The following LUC7L2 variants were observed in gnomAD, a reference collection of about 807,000 sequenced individuals.
The protein encoded by LUC7L2 is LUC7 like 2, pre-mRNA splicing factor, also known as putative RNA-binding protein Luc7-like 2.
A neutral mutation model predicts 52.8 loss-of-function variants in LUC7L2; 25 were observed. The observed-to-expected ratio is 0.47, with a 90% CI of 0.34 to 0.66. LUC7L2 has a LOEUF of 0.66. Among genes scored for constraint, LUC7L2 ranks in the 30% least tolerant of loss-of-function variants. The pLI is 0.01. For synonymous variants in LUC7L2, 144 were observed against 160.9 expected, an observed-to-expected ratio of 0.89 and a Z score of 0.80; for missense variants, 328 against 497.8, an observed-to-expected ratio of 0.66 and a Z score of 3.25.
upstream of LUC7L2, among the ~76,000 whole-genome samples, chr7:139,356,014 A>G (rs1397162322): frequency 6.6e-6 from 1 of 152,212 alleles, no homozygotes; most frequent in African/African-American, 2.4e-5. Flanking sequence ...TATGTGCCCA[A>G]AGAAAATAAC....
chr7:139,353,722 G>A (rs1257507259), intron 1 of LUC7L2, among the ~76,000 whole-genome samples: 1 of 152,052 alleles, frequency 6.6e-6, no homozygotes, highest in African/African-American at 2.4e-5. Flanking sequence ...GAATCCGGGA[G>A]GTGGAGGTTG....
At chr7:139,356,438 C>G (rs1046649092), upstream of LUC7L2, among the ~76,000 whole-genome samples, 4 of 151,464 alleles carry the variant, frequency 2.6e-5, no homozygotes, top group African/African-American at 9.7e-5. Flanking sequence ...GGGAGCGTTC[C>G]CCCAACTAGC....
At chr7:139,359,469 C>G, upstream of LUC7L2, 1 of 190,268 alleles carries the variant, frequency 5.3e-6, no homozygotes, top group Non-Finnish European at 1.1e-5. Flanking sequence ...AGGACGCGTC[C>G]ACGCCACTCG....
chr7:139,408,737 G>A (rs1356901869), intron 6 of LUC7L2, among the ~76,000 whole-genome samples: 1 of 151,872 alleles, frequency 6.6e-6, no homozygotes, highest in African/African-American at 2.4e-5. Flanking sequence ...AGCTACTCTG[G>A]AGACTGAGGC....
intron 9 of LUC7L2, among the ~76,000 whole-genome samples, chr7:139,421,851 T>C (rs989990779): frequency 6.6e-6 from 1 of 152,268 alleles, no homozygotes; most frequent in African/African-American, 2.4e-5. Context: ...CTGTTATCTA[T>C]GTATTATTTT....
At chr7:139,374,460 A>G (rs1585087600) in intron 1 of LUC7L2, 1 of 1,550,936 alleles carries the variant, frequency 6.4e-7, no homozygotes, top group Non-Finnish European at 8.7e-7. Flanking sequence ...AAGGCCCCGC[A>G]TTCGCCAAGC....
intron 1 of LUC7L2, among the ~76,000 whole-genome samples, chr7:139,347,685 G>GTA (rs1177819141): frequency 2.5e-5 from 3 of 118,522 alleles, no homozygotes; most frequent in Non-Finnish European, 4.7e-5. Context: ...TCGACTGAAT[G>GTA]TATAAAAAAA....
At chr7:139,387,067 T>C (rs1215218193) in intron 2 of LUC7L2, among the ~76,000 whole-genome samples, 1 of 151,246 alleles carries the variant, frequency 6.6e-6, no homozygotes, top group East Asian at 2.0e-4. Flanking sequence ...TTTGAACTCC[T>C]GGCCTCAGGT....
chr7:139,418,956 C>A (rs1195461457), intron 9 of LUC7L2, among the ~76,000 whole-genome samples: 3 of 151,904 alleles, frequency 2.0e-5, no homozygotes, highest in African/African-American at 7.3e-5. Context: ...TACTAAAATA[C>A]AAACATTAGC....
intron 6 of LUC7L2, among the ~76,000 whole-genome samples, chr7:139,408,812 A>G (rs1217527841): frequency 6.7e-6 from 1 of 149,558 alleles, no homozygotes; most frequent in Non-Finnish European, 1.5e-5. Context: ...ACTGCACTCC[A>G]ACCTGGGCGA....
chr7:139,380,141 T>C (rs947649607), intron 2 of LUC7L2, among the ~76,000 whole-genome samples: 1 of 151,934 alleles, frequency 6.6e-6, no homozygotes, highest in African/African-American at 2.4e-5. Flanking sequence ...ATCACACCAC[T>C]GCACTCCAGT....
In LUC7L2 at chr7:139,423,340, C is replaced by CAA. The variant is rs1434648400; in HGVS notation, c.*1000_*1001insAA. Reference sequence around the variant, plus strand: ...GGGCCCCTTGCTGACTATATTCCAGCCACTTCAGGGTTGTTTGTAATGACC... The same window carrying CAA: ...GGGCCCCTTGCTGACTATATTCCAGCAACACTTCAGGGTTGTTTGTAATGACC... On this transcript the variant is annotated 3_prime_UTR_variant, in exon 10 of 10. Coordinates refer to ENST00000354926, the MANE Select transcript of LUC7L2 (RefSeq NM_016019.5). 5.0e-6 allele frequency: 2 copies of CAA among 398,842 alleles called. No individual in the cohort carries two copies. Among genetic ancestry groups the CAA allele is most frequent in the Middle Eastern group, 6.2e-4 (1 of 1,608 alleles). 24.7% of individuals were successfully genotyped at this position (398,842 alleles called of 1,614,324 possible).
intron 1 of LUC7L2, among the ~76,000 whole-genome samples, chr7:139,369,402 C>G (rs563686654): frequency 1.3e-5 from 2 of 152,214 alleles, no homozygotes; most frequent in African/African-American, 4.8e-5. Flanking sequence ...GAGGAATAGG[C>G]TGATAGATTT....
upstream of LUC7L2, among the ~76,000 whole-genome samples, chr7:139,358,657 C>G (rs1254658510): frequency 6.6e-6 from 1 of 152,088 alleles, no homozygotes; most frequent in East Asian, 1.9e-4. Flanking sequence ...TTTAAGCAAC[C>G]TTTCTTCCTG....
chr7:139,415,057 T>G lies in LUC7L2; in HGVS notation c.809+2477T>G, dbSNP rs56021635. 3.5e-3 allele frequency among the ~76,000 whole-genome samples: 204 copies of G among 58,746 alleles called. 2 individuals are homozygous for G. The African/African-American group carries it at 0.04, about 12-fold the overall frequency. The allele number at this position is 58,746 out of a possible 152,430, so 38.5% of individuals were successfully genotyped here. On this transcript the variant is annotated intron_variant, in intron 8 of 9. Transcript: ENST00000354926. Reference sequence around the variant, plus strand: ...ACGTGCCACCATGCCCTGCTAAGTTTTTTTTTTTTTTTTTTTTTTTTTTTT... The same window carrying G: ...ACGTGCCACCATGCCCTGCTAAGTTGTTTTTTTTTTTTTTTTTTTTTTTTT...
intron 1 of LUC7L2, among the ~76,000 whole-genome samples, chr7:139,349,609 A>T: frequency 1.0e-5 from 1 of 100,454 alleles, no homozygotes; most frequent in Non-Finnish European, 1.8e-5. Context: ...TTTAATGTCA[A>T]CTGCTCCCCC....
upstream of LUC7L2, chr7:139,359,166 CCCTGCGGCCAGCG>C (rs1799722680): frequency 6.6e-6 from 1 of 152,316 alleles, no homozygotes. Flanking sequence ...ATCCAGGCTT[CCCTGCGGCCAGCG>C]CCGCTGGCTC....
chr7:139,387,257 G>A (rs188064769), intron 2 of LUC7L2, among the ~76,000 whole-genome samples: 14 of 152,202 alleles, frequency 9.2e-5, no homozygotes, highest in Admixed American at 2.0e-4. Flanking sequence ...GCAGTGGCGC[G>A]ATCTCGGCTC....
chr7:139,353,504 T>A (rs1305301723), intron 1 of LUC7L2, among the ~76,000 whole-genome samples: 1 of 152,236 alleles, frequency 6.6e-6, no homozygotes, highest in Non-Finnish European at 1.5e-5. Context: ...TACAGAGATT[T>A]TTTTTTTCAG....
Sources: allele counts gnomAD v4.1 joint callset (sites outside exome capture counted in the v4.1 genomes callset), GRCh38; gene constraint gnomAD v4.1.1; transcripts MANE v1.5; gene names NCBI Gene and HGNC (gene_info 2026-07-23, HGNC 2026-07-21).